The following WDR70 variants were observed in gnomAD, a reference collection of about 807,000 sequenced individuals.
WDR70 encodes WD repeat domain 70.
WDR70 carries 53 observed loss-of-function variants against 88.6 expected under a neutral mutation model. The observed-to-expected ratio is 0.60, with a 90% CI of 0.48 to 0.75. The LOEUF is 0.75. WDR70 is among the 30% of genes least tolerant of loss of function. The pLI is 0.00. For synonymous variants in WDR70, 280 were observed against 270.0 expected (o/e 1.04, Z -0.36); for missense variants, 610 against 823.2 (o/e 0.74, Z 3.17).
intron 9 of WDR70, among the ~76,000 whole-genome samples, chr5:37,540,934 C>T (rs1225153078): frequency 1.3e-5 from 2 of 151,906 alleles, no homozygotes; most frequent in Non-Finnish European, 2.9e-5. Context: ...TATTAGAGAC[C>T]AAATGTTGAA....
At chr5:37,576,563 A>T (rs1017580355) in intron 9 of WDR70, among the ~76,000 whole-genome samples, 3 of 152,186 alleles carry the variant, frequency 2.0e-5, no homozygotes, top group African/African-American at 7.2e-5. Context: ...CACTTAGGAC[A>T]TTAGAACAAC....
At chr5:37,391,964 G>A (rs750070494) in intron 3 of WDR70, 36 bp from the exon 4 acceptor site, 13 of 1,578,312 alleles carry the variant, frequency 8.2e-6, no homozygotes, top group Non-Finnish European at 1.1e-5. Flanking sequence ...TGTAACCGTT[G>A]GGATTTTTTT....
intron 7 of WDR70, among the ~76,000 whole-genome samples, chr5:37,452,010 C>T (rs1442014100): frequency 7.2e-5 from 11 of 151,952 alleles, no homozygotes; most frequent in Non-Finnish European, 1.5e-4. Context: ...ACAACAACAA[C>T]AACAAAAAAG....
intron 7 of WDR70, among the ~76,000 whole-genome samples, chr5:37,447,354 T>G (rs1738527592): frequency 6.6e-6 from 1 of 152,154 alleles, no homozygotes; most frequent in Non-Finnish European, 1.5e-5. Context: ...TGTAAACTAG[T>G]TCAACCATTG....
chr5:37,550,042 T>C (rs1251970797), intron 9 of WDR70, among the ~76,000 whole-genome samples: 2 of 152,144 alleles, frequency 1.3e-5, no homozygotes, highest in Admixed American at 6.5e-5. Context: ...TTGCATTTTT[T>C]TTAGTGGAGA....
chr5:37,489,981 G>C (rs1295383808), intron 8 of WDR70, among the ~76,000 whole-genome samples: 2 of 152,050 alleles, frequency 1.3e-5, no homozygotes, highest in Non-Finnish European at 2.9e-5. Context: ...GCTGTCATCA[G>C]GTCCCCCTGA....
At chr5:37,477,365 A>G (rs1267747734) in intron 7 of WDR70, among the ~76,000 whole-genome samples, 1 of 152,172 alleles carries the variant, frequency 6.6e-6, no homozygotes, top group Admixed American at 6.5e-5. Context: ...TAAAATATTT[A>G]TCCCTGTCCT....
At chr5:37,707,600 G>A (rs1245004826) in intron 13 of WDR70, among the ~76,000 whole-genome samples, 1 of 152,042 alleles carries the variant, frequency 6.6e-6, no homozygotes, top group Non-Finnish European at 1.5e-5. Flanking sequence ...TTTTCAACTA[G>A]TATGCCTTGG....
At chr5:37,400,641 T>C (rs1169834576) in intron 5 of WDR70, among the ~76,000 whole-genome samples, 1 of 152,152 alleles carries the variant, frequency 6.6e-6, no homozygotes, top group Admixed American at 6.6e-5. Flanking sequence ...TGTCCATATT[T>C]TGATTGTGGA....
At chr5:37,433,253 G>A (rs1750367530) in intron 5 of WDR70, among the ~76,000 whole-genome samples, 1 of 151,948 alleles carries the variant, frequency 6.6e-6, no homozygotes, top group Admixed American at 6.6e-5. Flanking sequence ...TAGAGATGGG[G>A]TTTCACCATG....
intron 8 of WDR70, among the ~76,000 whole-genome samples, chr5:37,499,131 T>G (rs1271649897): frequency 6.6e-6 from 1 of 151,920 alleles, no homozygotes; most frequent in Non-Finnish European, 1.5e-5. Flanking sequence ...TTTTTTTTTT[T>G]GAGATGAAGT....
chr5:37,641,034 GA>G (rs1251280365), intron 10 of WDR70, among the ~76,000 whole-genome samples: 15 of 152,244 alleles, frequency 9.9e-5, no homozygotes, highest in Non-Finnish European at 7.4e-5. Context: ...TGGGTCTTTG[GA>G]ACTATTTTTC....
chr5:37,457,594 T>G (rs1349546471), intron 7 of WDR70, among the ~76,000 whole-genome samples: 1 of 152,198 alleles, frequency 6.6e-6, no homozygotes. Flanking sequence ...TATCCACATA[T>G]GTGGAAATGA....
intron 8 of WDR70, among the ~76,000 whole-genome samples, chr5:37,483,076 A>T (rs1364167371): frequency 6.6e-6 from 1 of 151,476 alleles, no homozygotes; most frequent in Non-Finnish European, 1.5e-5. Flanking sequence ...TTTAAAAAAA[A>T]AAAAAAGGAA....
rs551502556 is a variant in WDR70 at position 37,587,337 on chromosome 5, A to G, written c.918-17727A>G. The stretch of plus-strand genomic sequence containing the variant: ...TGTACTTCATCCTCTTGTCAAAGCA[A>G]ACTACTTTTTTTTCCCTATATAGAC... On this transcript the variant is annotated intron_variant, in intron 9 of 17. Coordinates refer to ENST00000265107, the MANE Select transcript of WDR70 (RefSeq NM_018034.4). 1.1e-3 allele frequency among the ~76,000 whole-genome samples: 164 copies of G among 151,104 alleles called. 1 individual carries two copies. Among genetic ancestry groups the G allele is most frequent in the African/African-American group, 3.9e-3 (159 of 41,090 alleles).
At chr5:37,622,688 C>G (rs1277416485) in intron 10 of WDR70, among the ~76,000 whole-genome samples, 4 of 151,468 alleles carry the variant, frequency 2.6e-5, no homozygotes, top group Non-Finnish European at 5.9e-5. Context: ...GGGAATTGAA[C>G]AGTGAGAACA....
intron 9 of WDR70, among the ~76,000 whole-genome samples, chr5:37,527,063 A>G (rs1231841138): frequency 6.6e-6 from 1 of 152,198 alleles, no homozygotes; most frequent in Non-Finnish European, 1.5e-5. Flanking sequence ...GCCCAAGGTA[A>G]TTTATAGATT....
At chr5:37,705,643 A>G (rs923879478) in intron 13 of WDR70, among the ~76,000 whole-genome samples, 8 of 151,732 alleles carry the variant, frequency 5.3e-5, no homozygotes, top group African/African-American at 1.9e-4. Flanking sequence ...TGGAATGTAA[A>G]AAAAAAAAAA....
intron 8 of WDR70, among the ~76,000 whole-genome samples, chr5:37,512,565 C>T (rs11954775): frequency 0.035 from 5,274 of 151,170 alleles, 314 homozygotes; most frequent in African/African-American, 0.12. Context: ...TTAGAGCCTG[C>T]ACAGAATTGC....
Sources: gnomAD v4.1 joint callset for allele counts (sites outside exome capture counted in the v4.1 genomes callset) on GRCh38, gnomAD v4.1.1 for gene constraint, MANE v1.5 for transcripts, NCBI Gene and HGNC (gene_info 2026-07-23, HGNC 2026-07-21) for gene names.